NRG2: variants seen among roughly 807,000 people sequenced by gnomAD.
The protein encoded by NRG2 is neuregulin 2, also known as pro-neuregulin-2, membrane-bound isoform.
NRG2 carries 27 observed loss-of-function variants against 73.9 expected under a neutral mutation model. The observed-to-expected ratio is 0.37, with a 90% CI of 0.27 to 0.50. The LOEUF (loss-of-function observed/expected upper bound fraction) is 0.50, where lower values mean the gene tolerates loss of function less well. Among genes scored for constraint, NRG2 ranks in the 20% least tolerant of loss-of-function variants. NRG2 has a pLI of 0.96. For synonymous variants in NRG2, 532 were observed against 541.0 expected (o/e 0.98, Z 0.23); for missense variants, 1,126 against 1,210.1 (o/e 0.93, Z 1.03).
chr5:139,848,121 G>T lies in NRG2; in HGVS notation c.2349C>A (p.Asp783Glu). 6.8e-7 allele frequency: 1 copy of T among 1,471,320 alleles called. No individual in the cohort carries two copies. The highest frequency in any genetic ancestry group is 8.9e-7 in the Non-Finnish European group (1 of 1,119,010). 91.1% of individuals were successfully genotyped at this position (1,471,320 alleles called of 1,614,324 possible). A position where few individuals can be genotyped will look rare whatever the true frequency, so the allele number is the denominator to read the frequency against. The change falls in exon 10 of 10, where the codon GAC becomes GAA. Residue 783 changes from aspartate to glutamate, a missense_variant. Asp to Glu is a conservative substitution (Grantham distance 45). Around this residue, in one of 3 missense-constraint regions of NRG2, gnomAD observed 402 missense variants for 357.8 expected, o/e 1.12. Coordinates refer to ENST00000361474, the MANE Select transcript of NRG2 (RefSeq NM_004883.3). ...TCTCGGCCGCCAGCGCCCCGTCCGC[G>T]TCGTCCGCGTCGTCGTCCGACGCCG... ...SASASDDDAD[D>E]ADGALAAEST...
At chr5:140,041,461 C>T (rs1248287901) in intron 1 of NRG2, among the ~76,000 whole-genome samples, 1 of 152,076 alleles carries the variant, frequency 6.6e-6, no homozygotes, top group Non-Finnish European at 1.5e-5. Flanking sequence ...GACTTCCATT[C>T]CCAGCTGCAG....
intron 3 of NRG2, among the ~76,000 whole-genome samples, chr5:139,873,804 G>A (rs1449493014): frequency 1.3e-5 from 2 of 152,250 alleles, no homozygotes; most frequent in Admixed American, 6.5e-5. Flanking sequence ...TGGGTTGGCC[G>A]GGGCCACAGT....
intron 1 of NRG2, among the ~76,000 whole-genome samples, chr5:139,899,729 C>G (rs983833047): frequency 6.6e-6 from 1 of 152,224 alleles, no homozygotes; most frequent in African/African-American, 2.4e-5. Context: ...AAGTAGATAT[C>G]TGACCAGTTG....
At chr5:139,910,231 G>A (rs2127192835) in intron 1 of NRG2, among the ~76,000 whole-genome samples, 1 of 152,334 alleles carries the variant, frequency 6.6e-6, no homozygotes, top group South Asian at 2.1e-4. Flanking sequence ...CTGGATGGCT[G>A]AAGGAGTAAG....
intron 1 of NRG2, among the ~76,000 whole-genome samples, chr5:139,911,892 A>C (rs1172557973): frequency 6.6e-6 from 1 of 152,206 alleles, no homozygotes; most frequent in Non-Finnish European, 1.5e-5. Context: ...TTATATAATG[A>C]CATAATGACT....
intron 1 of NRG2, among the ~76,000 whole-genome samples, chr5:140,002,066 C>A (rs1213852276): frequency 6.6e-6 from 1 of 152,008 alleles, no homozygotes; most frequent in Non-Finnish European, 1.5e-5. Context: ...AGCCTGTGGT[C>A]CCAGCTACTC....
intron 9 of NRG2, among the ~76,000 whole-genome samples, chr5:139,848,900 G>C (rs771724302): frequency 1.3e-5 from 2 of 152,192 alleles, no homozygotes; most frequent in Non-Finnish European, 1.5e-5. Flanking sequence ...TTCCTTATCT[G>C]TTACGCGGGC....
chr5:139,953,510 G>C lies in NRG2; in HGVS notation c.701-65999C>G, dbSNP rs376025065. 3.3e-5 allele frequency among the ~76,000 whole-genome samples: 5 copies of C among 152,238 alleles called. No individual in the cohort carries two copies. The East Asian group carries it at 7.8e-4, about 24-fold the overall frequency. ...CCCCTTCCCACCGCTCTCATCCTGA[G>C]AGAACCAGCCAGATGACCCACAAAG... On this transcript the variant is annotated intron_variant, in intron 1 of 9. Coordinates refer to ENST00000361474, the MANE Select transcript of NRG2 (RefSeq NM_004883.3).
chr5:139,883,236 C>A (rs899545940), intron 2 of NRG2, among the ~76,000 whole-genome samples: 1 of 137,832 alleles, frequency 7.3e-6, no homozygotes, highest in African/African-American at 2.6e-5. Context: ...GCCCTCCCCC[C>A]TCCCCCCTAC....
At chr5:139,860,042 C>A (rs943721260) in intron 5 of NRG2, 4 of 917,366 alleles carry the variant, frequency 4.4e-6, no homozygotes, top group Admixed American at 4.1e-5. Context: ...AGCCATCCTG[C>A]GAGGTGAAAG....
At chr5:139,862,739 T>C (rs1015571970) in intron 5 of NRG2, among the ~76,000 whole-genome samples, 7 of 152,256 alleles carry the variant, frequency 4.6e-5, no homozygotes, top group African/African-American at 1.7e-4. Flanking sequence ...TGTAAGAACA[T>C]GATTGTGTGT....
At chr5:139,927,029 G>A (rs1752108351) in intron 1 of NRG2, among the ~76,000 whole-genome samples, 1 of 152,236 alleles carries the variant, frequency 6.6e-6, no homozygotes, top group Non-Finnish European at 1.5e-5. Context: ...AAGGAAGAAA[G>A]GCTGCCTGGC....
At chr5:140,031,520 C>T (rs961111993) in intron 1 of NRG2, among the ~76,000 whole-genome samples, 5 of 152,148 alleles carry the variant, frequency 3.3e-5, no homozygotes, top group African/African-American at 1.2e-4. Context: ...AAAATCAAAT[C>T]AACCAATAAC....
At position 139,904,322 on chromosome 5, in the gene NRG2, C is replaced by G. The variant is rs1378706943; in HGVS notation, c.701-16811G>C. 2.5e-6 allele frequency: 4 copies of G among 1,591,544 alleles called. No homozygotes were observed. The African/African-American group carries it at 5.4e-5, about 21-fold the overall frequency. ...GGTGCCCTACCTTTCTCCCCGGGAT[C>G]GGGCTCCCTCTCCCGCTTCCTCCCC... On this transcript the variant is annotated intron_variant, in intron 1 of 9. Coordinates refer to ENST00000361474, the MANE Select transcript of NRG2 (RefSeq NM_004883.3). This position sits in a 1 kb window ranked among gnomAD's most constrained non-coding sequence, Gnocchi z 6.0.
chr5:139,962,458 T>A (rs1439302607), intron 1 of NRG2, among the ~76,000 whole-genome samples: 1 of 151,912 alleles, frequency 6.6e-6, no homozygotes, highest in Non-Finnish European at 1.5e-5. Flanking sequence ...AAGGCAGAAG[T>A]GGAAGAGGGA....
intron 1 of NRG2, among the ~76,000 whole-genome samples, chr5:140,017,717 G>A (rs1368553160): frequency 6.6e-6 from 1 of 152,202 alleles, no homozygotes; most frequent in Non-Finnish European, 1.5e-5. Flanking sequence ...TCATGATATA[G>A]AGACAAGAGG....
At chr5:139,857,075 C>G (rs1761856350) in intron 5 of NRG2, among the ~76,000 whole-genome samples, 1 of 152,226 alleles carries the variant, frequency 6.6e-6, no homozygotes, top group Non-Finnish European at 1.5e-5. Flanking sequence ...GCCGCCAAGT[C>G]CTGAGGTCAC....
At chr5:139,861,375 C>T (rs1762134687) in intron 5 of NRG2, among the ~76,000 whole-genome samples, 1 of 152,200 alleles carries the variant, frequency 6.6e-6, no homozygotes, top group South Asian at 2.1e-4. Context: ...ATCCCTGGAC[C>T]TCTCATCTAC....
intron 1 of NRG2, among the ~76,000 whole-genome samples, chr5:139,921,144 T>A (rs1323990148): frequency 6.6e-6 from 1 of 152,198 alleles, no homozygotes; most frequent in Non-Finnish European, 1.5e-5. Flanking sequence ...ACGCAAAGAC[T>A]CCATGTTGTC....
Sources: allele counts gnomAD v4.1 joint callset (sites outside exome capture counted in the v4.1 genomes callset), GRCh38; gene constraint gnomAD v4.1.1; regional missense constraint gnomAD v4.1.1; non-coding constraint Gnocchi (gnomAD v3.1); transcripts MANE v1.5; gene names NCBI Gene and HGNC (gene_info 2026-07-23, HGNC 2026-07-21).